ETV4: variants seen among roughly 807,000 people sequenced by gnomAD.
The protein encoded by ETV4 is ETS variant transcription factor 4, also known as ETS translocation variant 4.
ETV4 carries 42 observed loss-of-function variants against 65.9 expected under a neutral mutation model. That is an observed-to-expected ratio of 0.64 (90% confidence interval 0.50 to 0.82). ETV4 has a LOEUF of 0.82. Ranked by LOEUF, ETV4 falls within the 40% of genes least tolerant of loss-of-function variation. ETV4 has a pLI of 0.00. For missense variants in ETV4, 583 were observed against 630.3 expected, an observed-to-expected ratio of 0.92 and a Z score of 0.80; for synonymous variants, 238 against 260.0, an observed-to-expected ratio of 0.92 and a Z score of 0.81.
chr17:43,528,712 A>G lies in ETV4; in HGVS notation c.1262T>C (p.Val421Ala), dbSNP rs1970716062. Reference sequence around the variant, plus strand: ...AGAGAAGAGGGCCTCGGGCTCACACACAAACTTGTACACGTAACGCTCACC... The same window carrying G: ...AGAGAAGAGGGCCTCGGGCTCACACGCAAACTTGTACACGTAACGCTCACC... ...VAGERYVYKF[V>A]CEPEALFSLA... Residue 421 changes from valine (V) to alanine (A), a missense_variant, in exon 13 of 13, where the codon GTG (valine) becomes GCG (alanine). By Grantham distance (64) the Val-to-Ala change is moderately conservative. Transcript: ENST00000319349. 2 of 1,614,148 alleles carry G rather than the reference A, an allele frequency of 1.2e-6. No individual in the cohort carries two copies. Among genetic ancestry groups the G allele is most frequent in the Non-Finnish European group, 1.7e-6 (2 of 1,180,020 alleles).
chr17:43,532,935 C>A lies in ETV4; in HGVS notation c.550G>T (p.Val184Phe). The A allele has an allele frequency of 6.4e-7, 1 of 1,564,992 alleles. No individual in the cohort carries two copies. Among genetic ancestry groups the A allele is most frequent in the Non-Finnish European group, 8.7e-7 (1 of 1,155,216 alleles). The change falls in exon 8 of 13, where the codon GTC becomes TTC. Residue 184 changes from valine to phenylalanine, a missense_variant. By Grantham distance (50) the Val-to-Phe change is conservative (BLOSUM62 -1). Transcript: ENST00000319349. ...GHGYLGEHSSVFQQPLDICHS... is the reference protein window; with the variant it reads ...GHGYLGEHSSFFQQPLDICHS... ...CAAATGTCCAGGGGCTGCTGGAAGACGGAGCTGGATGTGGTTGGATGGAGA... is the reference window on the plus strand; with the variant it reads ...CAAATGTCCAGGGGCTGCTGGAAGAAGGAGCTGGATGTGGTTGGATGGAGA...
intron 7 of ETV4, 115 bp from the exon 8 acceptor site, chr17:43,533,054 G>A: frequency 6.7e-7 from 1 of 1,491,896 alleles, no homozygotes; most frequent in Non-Finnish European, 9.0e-7. Context: ...GGGGGTTGGG[G>A]TGTCAGTATT....
rs746231923 is a variant in ETV4 at position 43,528,494 on chromosome 17, C to T, written c.*25G>A. The T allele has an allele frequency of 6.1e-5, 92 of 1,517,810 alleles. No individual in the cohort carries two copies. The highest frequency in any genetic ancestry group is 2.9e-4 in the Admixed American group (16 of 55,188). The allele number at this position is 1,517,810 out of a possible 1,614,324, so 94.0% of individuals were successfully genotyped here. Reference sequence around the variant, plus strand: ...ATGTACACAGGGCAGCACCCACCTGCGGCAGGGGGAACAGCCGCTGGGGGC... The same window carrying T: ...ATGTACACAGGGCAGCACCCACCTGTGGCAGGGGGAACAGCCGCTGGGGGC... On this transcript the variant is annotated 3_prime_UTR_variant, in exon 13 of 13. Transcript: ENST00000319349.
rs1567704103 is a variant in ETV4, at chr17:43,528,498, AG to A, written c.*20del. On this transcript the variant is annotated 3_prime_UTR_variant, in exon 13 of 13. Coordinates refer to ENST00000319349, the MANE Select transcript of ETV4 (RefSeq NM_001079675.5). ...ACACAGGGCAGCACCCACCTGCGGC[AG>A]GGGGAACAGCCGCTGGGGGCTAGTA... 1.3e-6 allele frequency: 2 copies of A among 1,522,802 alleles called. No homozygotes were observed. The highest frequency in any genetic ancestry group is 2.3e-5 in the East Asian group (1 of 44,272). The allele number at this position is 1,522,802 out of a possible 1,614,324, so 94.3% of individuals were successfully genotyped here. A position where few individuals can be genotyped will look rare whatever the true frequency, so the allele number is the denominator to read the frequency against.
In ETV4 at chr17:43,545,422, G is replaced by A. The variant is rs1026384466; in HGVS notation, c.61-55C>T. ...TCACCCTGAGGCGCTTAGTCTGGGG[G>A]ACGAGGTTGGGGTCCTCGGGTGACT... On this transcript the variant is annotated intron_variant, in intron 2 of 12. Coordinates refer to ENST00000319349, the MANE Select transcript of ETV4 (RefSeq NM_001079675.5). The A allele has an allele frequency of 6.7e-6, 10 of 1,487,992 alleles. No individual in the cohort carries two copies. The African/African-American group carries it at 1.1e-4, about 17-fold the overall frequency. 92.2% of individuals were successfully genotyped at this position (1,487,992 alleles called of 1,614,324 possible).
intron 4 of ETV4, 26 bp from the exon 5 acceptor site, chr17:43,536,505 T>C (rs1387132585): frequency 4.3e-6 from 7 of 1,613,154 alleles, no homozygotes; most frequent in South Asian, 1.1e-5. Flanking sequence ...AGAGGTGAGT[T>C]TGGGGCGGAG....
At position 43,528,686 on chromosome 17, in the gene ETV4, AAG is replaced by A. The variant is rs1970713385; in HGVS notation, c.1286_1287del (p.Ser429PhefsTer14). On this transcript the variant is annotated frameshift_variant, in exon 13 of 13. Coordinates refer to ENST00000319349, the MANE Select transcript of ETV4 (RefSeq NM_001079675.5). LOFTEE classifies it high-confidence loss of function. ...GGACGCTGATTGTCCGGGAAGGCCA[AAG>A]AGAAGAGGGCCTCGGGCTCACACAC... ...KFVCEPEALF[S>X]LAFPDNQRPA... 1.9e-6 allele frequency: 3 copies of A among 1,614,166 alleles called. No homozygotes were observed. Among genetic ancestry groups the A allele is most frequent in the Non-Finnish European group, 2.5e-6 (3 of 1,180,032 alleles).
Position 43,529,123 on chromosome 17 carries a change from C to T in ETV4, c.1230+12G>A, listed in dbSNP as rs1970745698. On this transcript the variant is annotated intron_variant, in intron 12 of 12. Coordinates refer to ENST00000319349, the MANE Select transcript of ETV4 (RefSeq NM_001079675.5). ...CCCCCCACCACCTTGTCCCTAGACC[C>T]ACAGCCCCCACCTTCTGCATGATGC... 2 of 1,613,612 alleles carry T rather than the reference C, an allele frequency of 1.2e-6. No homozygotes were observed. The highest frequency in any genetic ancestry group is 1.7e-6 in the Non-Finnish European group (2 of 1,179,750).
chr17:43,532,581 A>G, intron 8 of ETV4, 93 bp downstream of exon 8: 1 of 1,187,850 alleles, frequency 8.4e-7, no homozygotes, highest in Non-Finnish European at 1.2e-6. Flanking sequence ...GATGTATGAA[A>G]TGGTAAACAG....
chr17:43,541,022 C>T (rs1971494275), intron 4 of ETV4, among the ~76,000 whole-genome samples: 1 of 152,154 alleles, frequency 6.6e-6, no homozygotes, highest in Admixed American at 6.5e-5. Flanking sequence ...ATCATCTTGC[C>T]TTTCTTCCTG....
intron 12 of ETV4, 77 bp from the exon 13 acceptor site, chr17:43,528,820 A>T: frequency 8.4e-7 from 1 of 1,194,070 alleles, no homozygotes; most frequent in South Asian, 1.4e-5. Context: ...GGAGTGGGGA[A>T]TGTGGCCCTT....
chr17:43,543,274 A>ACTCTCTCT (rs1250640458), intron 4 of ETV4, among the ~76,000 whole-genome samples: 2 of 41,496 alleles, frequency 4.8e-5, no homozygotes, highest in East Asian at 7.5e-4. Context: ...TAACACACAC[A>ACTCTCTCT]CACTCTCTCT....
At chr17:43,545,989 G>C (rs1464136446) in intron 1 of ETV4, 196 bp downstream of exon 1, 1 of 264,774 alleles carries the variant, frequency 3.8e-6, no homozygotes, top group South Asian at 5.3e-5. Context: ...GTACGCGCGC[G>C]CGCGCGGAGG....
intron 5 of ETV4, among the ~76,000 whole-genome samples, chr17:43,535,807 G>T (rs1971210676): frequency 6.6e-6 from 1 of 152,186 alleles, no homozygotes; most frequent in African/African-American, 2.4e-5. Context: ...GTTTATGGAA[G>T]TGACTTAGAA....
rs1232481546 is a variant in ETV4 at position 43,528,749 on chromosome 17, G to A, written c.1231-6C>T. ...ACGTAACGCTCACCAGCCACCTATG[G>A]GGAGAGAGAAGGTCTGGTCAGCCTG... On this transcript the variant is annotated splice_region_variant and splice_polypyrimidine_tract_variant and intron_variant, in intron 12 of 12. Transcript: ENST00000319349. 6.2e-7 allele frequency: 1 copy of A among 1,612,914 alleles called. No homozygotes were observed. The highest frequency in any genetic ancestry group is 8.5e-7 in the Non-Finnish European group (1 of 1,179,140).
intron 4 of ETV4, 162 bp from the exon 5 acceptor site, chr17:43,536,641 A>T: frequency 1.6e-6 from 1 of 609,942 alleles, no homozygotes; most frequent in Non-Finnish European, 2.9e-6. Flanking sequence ...CACACATAAA[A>T]TACACAAATA....
intron 10 of ETV4, 32 bp downstream of exon 10, chr17:43,529,852 T>A (rs371814669): frequency 1.2e-5 from 19 of 1,611,988 alleles, no homozygotes; most frequent in Non-Finnish European, 1.4e-5. Flanking sequence ...TGATAAGACC[T>A]TGACCCTCCC....
At chr17:43,541,435 G>T (rs1006561484) in intron 4 of ETV4, among the ~76,000 whole-genome samples, 1 of 152,154 alleles carries the variant, frequency 6.6e-6, no homozygotes, top group Non-Finnish European at 1.5e-5. Flanking sequence ...TCTGTCTGGG[G>T]ACGAGGCAGA....
chr17:43,542,534 ATTCT>A (rs1249442216), intron 4 of ETV4, among the ~76,000 whole-genome samples: 6 of 152,164 alleles, frequency 3.9e-5, no homozygotes, highest in Admixed American at 1.3e-4. Context: ...TAGCAGCCTG[ATTCT>A]TTCCCCAACA....
Sources: gnomAD v4.1 joint callset for allele counts (sites outside exome capture counted in the v4.1 genomes callset) on GRCh38, gnomAD v4.1.1 for gene constraint, MANE v1.5 for transcripts, NCBI Gene and HGNC (gene_info 2026-07-23, HGNC 2026-07-21) for gene names.